The following ABCA3 variants were observed in gnomAD, a reference collection of about 807,000 sequenced individuals.
ABCA3 encodes the protein ATP binding cassette subfamily A member 3, also known as phospholipid-transporting ATPase ABCA3.
Under a neutral mutation model 172.8 loss-of-function variants are expected in ABCA3, and 88 were observed. The ratio of observed to expected loss-of-function variants is 0.51; its 90% CI spans 0.43 to 0.61. The LOEUF (loss-of-function observed/expected upper bound fraction) is 0.61. ABCA3 is among the 20% of genes least tolerant of loss of function. The probability of loss-of-function intolerance (pLI) is 0.00; values close to 1 mark genes in which losing one functional copy is unlikely to be tolerated. For missense variants in ABCA3, 2,164 were observed against 2,301.0 expected, an observed-to-expected ratio of 0.94 and a Z score of 1.22; for synonymous variants, 1,066 against 983.8, an observed-to-expected ratio of 1.08 and a Z score of -1.56.
At chr16:2,288,420 C>T (rs533305003) in intron 20 of ABCA3, 91 bp from the exon 21 acceptor site, 224 of 1,427,452 alleles carry the variant, frequency 1.6e-4, no homozygotes, top group African/African-American at 8.6e-4. Context: ...TTCTGTGTGA[C>T]GCCAGCCTGG....
chr16:2,285,650 C>G lies in ABCA3; in HGVS notation c.3279-4G>C. 1 of 1,551,672 alleles carries G rather than the reference C, an allele frequency of 6.4e-7. No homozygotes were observed. On this transcript the variant is annotated splice_polypyrimidine_tract_variant and splice_region_variant and intron_variant, in intron 22 of 32. Transcript: ENST00000301732. The surrounding 1 kb of genome is among the most constrained non-coding windows in gnomAD (Gnocchi z 4.7). ...AATGTCGAATCCCTTCCGGCCCCTG[C>G]GGGGGACAGAGAAGGTCAGGGACGG...
At position 2,284,195 on chromosome 16, in the gene ABCA3, G is replaced by T; in HGVS notation, c.3862+84C>A. On this transcript the variant is annotated intron_variant, in intron 25 of 32. Coordinates refer to ENST00000301732, the MANE Select transcript of ABCA3 (RefSeq NM_001089.3). This position sits in a 1 kb window ranked among gnomAD's most constrained non-coding sequence, Gnocchi z 5.9. ...CCCCAGGCCACTCAGACGCAGAGGA[G>T]CCCCTGCCCTAGGAGGCCCCTCTGC... 1 of 1,487,820 alleles carries T rather than the reference G, an allele frequency of 6.7e-7. No homozygotes were observed. The highest frequency in any genetic ancestry group is 9.1e-7 in the Non-Finnish European group (1 of 1,103,994). 92.2% of individuals were successfully genotyped at this position (1,487,820 alleles called of 1,614,324 possible).
At chr16:2,305,370 C>T (rs1262599683) in intron 11 of ABCA3, among the ~76,000 whole-genome samples, 6 of 152,170 alleles carry the variant, frequency 3.9e-5, no homozygotes, top group South Asian at 2.1e-4. Context: ...AATCTTGGCT[C>T]GCTGCAGCCT....
chr16:2,301,217 C>T (rs1332723803), intron 12 of ABCA3, among the ~76,000 whole-genome samples: 2 of 144,396 alleles, frequency 1.4e-5, no homozygotes, highest in Non-Finnish European at 3.0e-5. Flanking sequence ...GGCGACAGAG[C>T]GAGACTCCGT....
intron 1 of ABCA3, among the ~76,000 whole-genome samples, chr16:2,335,577 C>A (rs1260338226): frequency 6.6e-6 from 1 of 152,144 alleles, no homozygotes; most frequent in Non-Finnish European, 1.5e-5. Flanking sequence ...GCCAGCTTTA[C>A]TGACATTTAA....
Position 2,296,636 on chromosome 16 carries a change from C to T in ABCA3, c.2263+693G>A, listed in dbSNP as rs529016713. On this transcript the variant is annotated intron_variant, in intron 17 of 32. Coordinates refer to ENST00000301732, the MANE Select transcript of ABCA3 (RefSeq NM_001089.3). ...AGTGGCTAGTGAAACTCTCAGAGGC[C>T]GTGGTGGATGGTTCCTCATCTCCTA... is the stretch of plus-strand genomic sequence containing the variant. 3.5e-4 allele frequency among the ~76,000 whole-genome samples: 54 copies of T among 152,332 alleles called. 1 individual carries two copies. Among genetic ancestry groups the T allele is most frequent in the African/African-American group, 1.2e-3 (51 of 41,566 alleles).
intron 10 of ABCA3, among the ~76,000 whole-genome samples, chr16:2,316,349 G>GAA (rs1172715707): frequency 2.2e-5 from 2 of 90,258 alleles, no homozygotes; most frequent in Non-Finnish European, 4.7e-5. Context: ...AAAAAGAAAA[G>GAA]AAAAAAAAAA....
intron 17 of ABCA3, among the ~76,000 whole-genome samples, chr16:2,296,950 G>A (rs1287964919): frequency 6.6e-6 from 1 of 152,204 alleles, no homozygotes; most frequent in Non-Finnish European, 1.5e-5. Context: ...TACAGTCAGA[G>A]GTCTGGGCCC....
chr16:2,318,042 CCA>C (rs1234711912), intron 8 of ABCA3, among the ~76,000 whole-genome samples: 3 of 152,238 alleles, frequency 2.0e-5, no homozygotes, highest in African/African-American at 7.2e-5. Flanking sequence ...TGCATGCTCC[CCA>C]GTCTTTCCTG....
chr16:2,318,066 C>T (rs552881834), intron 8 of ABCA3, among the ~76,000 whole-genome samples: 1 of 152,192 alleles, frequency 6.6e-6, no homozygotes, highest in Non-Finnish European at 1.5e-5. Flanking sequence ...TACTTGAGAT[C>T]GTCCCCCGAA....
intron 28 of ABCA3, among the ~76,000 whole-genome samples, chr16:2,280,493 C>T (rs1238727621): frequency 6.6e-6 from 1 of 152,106 alleles, no homozygotes; most frequent in African/African-American, 2.4e-5. Context: ...TCCAGGCACC[C>T]CTGGTGTGAG....
At position 2,276,382 on chromosome 16, in the gene ABCA3, G is replaced by A; in HGVS notation, c.*292C>T. On this transcript the variant is annotated 3_prime_UTR_variant, in exon 33 of 33. Coordinates refer to ENST00000301732, the MANE Select transcript of ABCA3 (RefSeq NM_001089.3). ...CCCAGCTCAGCTGCAGCCCTTCCTG[G>A]GTCAGCTCTCCACCCAGAGACCCCG... is the stretch of plus-strand genomic sequence containing the variant. The A allele has an allele frequency of 3.6e-6, 2 of 555,214 alleles. No individual in the cohort carries two copies. Among genetic ancestry groups the A allele is most frequent in the South Asian group, 3.1e-5 (2 of 65,458 alleles). The allele number at this position is 555,214 out of a possible 1,614,324, so 34.4% of individuals were successfully genotyped here.
chr16:2,314,300 G>C (rs1053685750), intron 10 of ABCA3, among the ~76,000 whole-genome samples: 1 of 152,168 alleles, frequency 6.6e-6, no homozygotes, highest in African/African-American at 2.4e-5. Flanking sequence ...TGAAAAGGAG[G>C]GGAATTCAGG....
At position 2,276,561 on chromosome 16, in the gene ABCA3, A is replaced by G; in HGVS notation, c.*113T>C. On this transcript the variant is annotated 3_prime_UTR_variant, in exon 33 of 33. Transcript: ENST00000301732. Reference sequence around the variant, plus strand: ...CTGCCTTGAATTTTTCATATCCATCATAGAAAAAAGTGATTAAAAATAAAG... The same window carrying G: ...CTGCCTTGAATTTTTCATATCCATCGTAGAAAAAAGTGATTAAAAATAAAG... The G allele has an allele frequency of 5.3e-6, 8 of 1,516,362 alleles. No homozygotes were observed. The highest frequency in any genetic ancestry group is 2.2e-4 in the Middle Eastern group (1 of 4,550). 93.9% of individuals were successfully genotyped at this position (1,516,362 alleles called of 1,614,324 possible).
In ABCA3 at chr16:2,279,074, T is replaced by C. The variant is rs751444909; in HGVS notation, c.4416A>G (p.Thr1472=). ...PQFDALLDHM[T]GREMLVMYAR... The stretch of plus-strand genomic sequence containing the variant: ...CGTACATGACCAGCATCTCCCGGCC[T>C]GTCATGTGGTCCAGCAAGGCATCAA... Residue 1472 remains threonine, a synonymous_variant, in exon 29 of 33, where the codon ACA becomes ACG. Transcript: ENST00000301732. This position sits in a 1 kb window ranked among gnomAD's most constrained non-coding sequence, Gnocchi z 4.4. 6.2e-7 allele frequency: 1 copy of C among 1,613,032 alleles called. No homozygotes were observed. Among genetic ancestry groups the C allele is most frequent in the Admixed American group, 1.7e-5 (1 of 60,028 alleles).
At position 2,279,480 on chromosome 16, in the gene ABCA3, G is replaced by T. The variant is rs1256979705; in HGVS notation, c.4360-350C>A. ...CCACTCATTCACACCTGGGACATCT[G>T]ATGTGCTAGGACTCTTTCTTCTCCC... On this transcript the variant is annotated intron_variant, in intron 28 of 32. Transcript: ENST00000301732. The surrounding 1 kb of genome is among the most constrained non-coding windows in gnomAD (Gnocchi z 4.4). 6.6e-6 allele frequency among the ~76,000 whole-genome samples: 1 copy of T among 152,342 alleles called. No individual in the cohort carries two copies. The highest frequency in any genetic ancestry group is 2.1e-4 in the South Asian group (1 of 4,828).
intron 19 of ABCA3, 119 bp from the exon 20 acceptor site, chr16:2,289,739 A>C: frequency 9.4e-7 from 1 of 1,060,020 alleles, no homozygotes. Context: ...TTGCTCATGC[A>C]TCTGCTTATG....
intron 20 of ABCA3, chr16:2,289,168 T>C (rs1242775446): frequency 3.7e-6 from 2 of 534,234 alleles, no homozygotes; most frequent in Non-Finnish European, 6.7e-6. Context: ...GAGAGCCTCA[T>C]CAACACAGAG....
Position 2,283,633 on chromosome 16 carries a change from T to G in ABCA3, c.3863-275A>C. On this transcript the variant is annotated intron_variant, in intron 25 of 32. Transcript: ENST00000301732. This position sits in a 1 kb window ranked among gnomAD's most constrained non-coding sequence, Gnocchi z 5.4. ...CTGAGAGGCACAGGCTCTGCGTGAA[T>G]CCTGGGCTGCCTCCTGACCAGGACA... 1 of 468,464 alleles carries G rather than the reference T, an allele frequency of 2.1e-6. No homozygotes were observed. The highest frequency in any genetic ancestry group is 3.9e-6 in the Non-Finnish European group (1 of 253,706). The allele number at this position is 468,464 out of a possible 1,614,324, so 29.0% of individuals were successfully genotyped here.
Sources: allele counts gnomAD v4.1 joint callset (sites outside exome capture counted in the v4.1 genomes callset), GRCh38; gene constraint gnomAD v4.1.1; non-coding constraint Gnocchi (gnomAD v3.1); transcripts MANE v1.5; gene names NCBI Gene and HGNC (gene_info 2026-07-23, HGNC 2026-07-21).